TTC3: variants seen among roughly 807,000 people sequenced by gnomAD.
TTC3 encodes the protein tetratricopeptide repeat domain 3.
TTC3 carries 180 observed loss-of-function variants against 249.6 expected under a neutral mutation model. That is an observed-to-expected ratio of 0.72 (90% confidence interval 0.64 to 0.82). TTC3 has a LOEUF of 0.82. TTC3 is among the 40% of genes least tolerant of loss of function. The pLI is 0.00. For missense variants in TTC3, 2,061 were observed against 2,398.4 expected (o/e 0.86, Z 2.94); for synonymous variants, 717 against 805.0 (o/e 0.89, Z 1.85).
chr21:37,199,825 C>A (rs781312777), intron 44 of TTC3, among the ~76,000 whole-genome samples: 50 of 152,254 alleles, frequency 3.3e-4, no homozygotes, highest in Non-Finnish European at 5.9e-4. Flanking sequence ...GGGCTTCCGT[C>A]ATGATTTTCC....
At chr21:37,087,273 G>C in exon 2 of TTC3, 1 of 1,614,048 alleles carries the variant, frequency 6.2e-7, no homozygotes, top group Non-Finnish European at 8.5e-7. Context: ...CAATTTTGCT[G>C]AGGGAGATTT....
At chr21:37,185,185 C>T (rs571195531) in intron 36 of TTC3, among the ~76,000 whole-genome samples, 3 of 152,364 alleles carry the variant, frequency 2.0e-5, no homozygotes, top group Non-Finnish European at 2.9e-5. Context: ...AGGCAGAACC[C>T]GCCTTGTGCA....
chr21:37,092,040 G>A (rs536303455), intron 7 of TTC3, among the ~76,000 whole-genome samples: 1 of 152,298 alleles, frequency 6.6e-6, no homozygotes, highest in South Asian at 2.1e-4. Context: ...GTAAGAAAAA[G>A]TCACTGAAGC....
intron 33 of TTC3, 115 bp from the exon 34 acceptor site, chr21:37,167,440 T>TG (rs906636258): frequency 7.8e-6 from 4 of 511,958 alleles, no homozygotes; most frequent in Non-Finnish European, 9.4e-6. Context: ...ATGATCTAAA[T>TG]GGGAAAAAAA....
Position 37,097,968 on chromosome 21 carries a change from A to C in TTC3, c.845+1325A>C, listed in dbSNP as rs1054559519. 3 of 713,700 alleles carry C rather than the reference A, an allele frequency of 4.2e-6. No homozygotes were observed. In the African/African-American group the frequency reaches 5.3e-5, roughly 13 times the overall value. 44.2% of individuals were successfully genotyped at this position (713,700 alleles called of 1,614,324 possible). Reference sequence around the variant, plus strand: ...AAATACAAGAGTTTAAAAAGAAGAAAATAAAAATCACCAGTAATCCAACCA... The same window carrying C: ...AAATACAAGAGTTTAAAAAGAAGAACATAAAAATCACCAGTAATCCAACCA... On this transcript the variant is annotated intron_variant, in intron 10 of 45. Coordinates refer to ENST00000355666, the Ensembl canonical transcript of TTC3.
intron 15 of TTC3, 36 bp from the exon 16 acceptor site, chr21:37,128,967 T>G: frequency 6.7e-7 from 1 of 1,484,098 alleles, no homozygotes; most frequent in African/African-American, 1.4e-5. Context: ...GATTTTTATG[T>G]ACAGATTTTA....
chr21:37,201,743 GAGTGAA>G (rs2085526099), exon 46 of TTC3: 1 of 859,040 alleles, frequency 1.2e-6, no homozygotes. Context: ...TCCCCACTCT[GAGTGAA>G]TACTTTGATG....
rs11440326 is a variant in TTC3 at position 37,122,970 on chromosome 21, A to AT, written c.1064-12dup. ...TGATTACTATGTGTGTGTGTGTGTG[A>AT]TGACTTTTATAGGTCGAACAGCAAA... On this transcript the variant is annotated splice_polypyrimidine_tract_variant and intron_variant, in intron 12 of 45. Transcript: ENST00000355666. 1,613,956 of 1,613,960 alleles carry AT rather than the reference A, an allele frequency of 1. 806,976 individuals are homozygous for AT. The highest frequency in any genetic ancestry group is 1 in the Middle Eastern group (6,062 of 6,062).
intron 39 of TTC3, among the ~76,000 whole-genome samples, chr21:37,189,649 G>A (rs553894804): frequency 3.3e-5 from 5 of 152,178 alleles, no homozygotes; most frequent in South Asian, 4.2e-4. Context: ...CCGAGTTCAC[G>A]CCATTCTCCT....
intron 1 of TTC3, chr21:37,082,994 TG>T (rs1435058995): frequency 2.0e-6 from 2 of 985,288 alleles, no homozygotes; most frequent in Admixed American, 1.2e-4. Context: ...GCAAATGGAT[TG>T]CACAATATAT....
intron 11 of TTC3, among the ~76,000 whole-genome samples, chr21:37,116,181 T>A (rs1046721896): frequency 6.6e-6 from 1 of 152,238 alleles, no homozygotes. Context: ...GTTGACTTAG[T>A]GATTGAATGA....
chr21:37,083,962 A>G (rs1483885974), intron 1 of TTC3: 1 of 152,240 alleles, frequency 6.6e-6, no homozygotes, highest in East Asian at 1.9e-4. Flanking sequence ...TATGAGAAAC[A>G]TAACTTGCAC....
exon 27 of TTC3, chr21:37,153,055 A>T: frequency 6.2e-7 from 1 of 1,613,994 alleles, no homozygotes; most frequent in Non-Finnish European, 8.5e-7. Context: ...GAATACAGCC[A>T]TGCTTCTCAA....
At chr21:37,166,131 C>A (rs557534231) in exon 33 of TTC3, 36 of 1,614,086 alleles carry the variant, frequency 2.2e-5, no homozygotes, top group Admixed American at 2.0e-4. Context: ...GTGAAACCAA[C>A]TTATTGGGCT....
At chr21:37,160,605 A>G (rs1290502204) in intron 29 of TTC3, among the ~76,000 whole-genome samples, 197 bp from the exon 30 acceptor site, 9 of 258 alleles carry the variant, frequency 0.035, no homozygotes, top group Non-Finnish European at 0.061. Flanking sequence ...TTTAGTATAC[A>G]TTAGTATTAT....
At chr21:37,198,303 T>C (rs892819268) in intron 44 of TTC3, among the ~76,000 whole-genome samples, 6 of 152,236 alleles carry the variant, frequency 3.9e-5, no homozygotes, top group Admixed American at 3.9e-4. Flanking sequence ...GCCTTCTCTC[T>C]CTTGCCCTTG....
Position 37,157,395 on chromosome 21 carries a change from G to T in TTC3, c.2992+489G>T, listed in dbSNP as rs528094987. On this transcript the variant is annotated intron_variant, in intron 28 of 45. Transcript: ENST00000355666. Reference sequence around the variant, plus strand: ...TAGTTTGGTTCATTAAAAACCCTGTGGGCCCAGTGATGGGTGTTGAGAAGG... The same window carrying T: ...TAGTTTGGTTCATTAAAAACCCTGTTGGCCCAGTGATGGGTGTTGAGAAGG... Among the ~76,000 whole-genome samples, 68 of 152,266 alleles carry T rather than the reference G, an allele frequency of 4.5e-4. 1 individual carries two copies. Among genetic ancestry groups the T allele is most frequent in the African/African-American group, 1.6e-3 (68 of 41,556 alleles).
intron 10 of TTC3, among the ~76,000 whole-genome samples, chr21:37,097,704 C>G (rs1419677569): frequency 1.3e-5 from 2 of 152,062 alleles, no homozygotes; most frequent in Non-Finnish European, 2.9e-5. Context: ...TCAGCAGTAT[C>G]TTATGCATAG....
chr21:37,190,203 G>A (rs747485568), intron 39 of TTC3, among the ~76,000 whole-genome samples: 13 of 129,256 alleles, frequency 1.0e-4, no homozygotes, highest in Non-Finnish European at 1.9e-4. Context: ...GTGCAGTGGC[G>A]TGATCTCGGC....
Sources: gnomAD v4.1 joint callset for allele counts (sites outside exome capture counted in the v4.1 genomes callset) on GRCh38, gnomAD v4.1.1 for gene constraint, MANE v1.5 for transcripts, NCBI Gene and HGNC (gene_info 2026-07-23, HGNC 2026-07-21) for gene names.